The following MCC variants were observed in gnomAD, a reference collection of about 807,000 sequenced individuals.
MCC encodes MCC regulator of Wnt signaling pathway.
In MCC, 90 loss-of-function variants were observed where a neutral mutation model predicts 116.2. The ratio of observed to expected loss-of-function variants is 0.77; its 90% CI spans 0.65 to 0.92. The LOEUF (loss-of-function observed/expected upper bound fraction) is 0.92, where lower values mean the gene tolerates loss of function less well. MCC is among the 40% of genes least tolerant of loss of function. The pLI, the probability that MCC is intolerant of heterozygous loss-of-function variation, is 0.00. For synonymous variants in MCC, 578 were observed against 510.5 expected, an observed-to-expected ratio of 1.13 and a Z score of -1.78; for missense variants, 1,516 against 1,312.2, an observed-to-expected ratio of 1.16 and a Z score of -2.40.
chr5:113,310,714 G>A (rs1581390939), intron 3 of MCC, among the ~76,000 whole-genome samples: 1 of 152,124 alleles, frequency 6.6e-6, no homozygotes, highest in Non-Finnish European at 1.5e-5. Flanking sequence ...AGCTAACCCT[G>A]AAATGCAAAC....
intron 3 of MCC, among the ~76,000 whole-genome samples, chr5:113,304,291 C>T (rs1160830523): frequency 1.3e-5 from 2 of 152,212 alleles, no homozygotes; most frequent in Non-Finnish European, 2.9e-5. Context: ...ATGTTTAAAA[C>T]TGGCTAAGAA....
intron 1 of MCC, among the ~76,000 whole-genome samples, chr5:113,388,722 T>C (rs1388083300): frequency 6.6e-6 from 1 of 152,140 alleles, no homozygotes; most frequent in East Asian, 1.9e-4. Flanking sequence ...TGAGCCAAAA[T>C]AAACCTTTTT....
At chr5:113,355,775 C>T (rs1768396348) in intron 2 of MCC, among the ~76,000 whole-genome samples, 1 of 152,114 alleles carries the variant, frequency 6.6e-6, no homozygotes, top group Non-Finnish European at 1.5e-5. Context: ...TCTCATCTAA[C>T]TTTAATTACC....
intron 3 of MCC, among the ~76,000 whole-genome samples, chr5:113,322,584 C>G (rs1767445822): frequency 1.3e-5 from 2 of 152,146 alleles, no homozygotes; most frequent in Non-Finnish European, 2.9e-5. Context: ...ATTAAACTTT[C>G]TTGGGTAAAG....
chr5:113,367,076 C>T (rs11741963), intron 2 of MCC, among the ~76,000 whole-genome samples: 28,403 of 152,094 alleles, frequency 0.19, 3,169 homozygotes, highest in Admixed American at 0.31. Context: ...GTTGGGATTA[C>T]AGGTGTGAGC....
At chr5:113,360,991 C>A (rs1446018162) in intron 2 of MCC, among the ~76,000 whole-genome samples, 1 of 152,156 alleles carries the variant, frequency 6.6e-6, no homozygotes, top group Non-Finnish European at 1.5e-5. Flanking sequence ...CTAGATACTG[C>A]CAGATAATTA....
rs1014964311 is a variant in MCC at position 113,024,692 on chromosome 5, C to T, written c.*2610G>A. Reference sequence around the variant, plus strand: ...GTTTGTTAGAGAAAAATTCAGGTAGCGCCAGGTTATTCACAAAGGAAAATT... The same window carrying T: ...GTTTGTTAGAGAAAAATTCAGGTAGTGCCAGGTTATTCACAAAGGAAAATT... On this transcript the variant is annotated 3_prime_UTR_variant, in exon 19 of 19. Transcript: ENST00000408903. 7.9e-5 allele frequency: 12 copies of T among 152,096 alleles called. No individual in the cohort carries two copies. Among genetic ancestry groups the T allele is most frequent in the African/African-American group, 1.2e-4 (5 of 41,410 alleles). The allele number at this position is 152,096 out of a possible 1,614,324, so 9.4% of individuals were successfully genotyped here. A position where few individuals can be genotyped will look rare whatever the true frequency, so the allele number is the denominator to read the frequency against.
At chr5:113,104,405 C>T in intron 6 of MCC, 50 bp from the exon 7 acceptor site, 1 of 1,525,128 alleles carries the variant, frequency 6.6e-7, no homozygotes, top group Non-Finnish European at 8.9e-7. Flanking sequence ...CAAATGCTGT[C>T]TGTTTTGCTT....
rs531592681 is a variant in MCC, at chr5:113,466,456, A to G, written c.170+21789T>C. On this transcript the variant is annotated intron_variant, in intron 1 of 18. Coordinates refer to ENST00000408903, the MANE Select transcript of MCC (RefSeq NM_001085377.2). ...GTGTTTGGTTTTTTGTCCTTGCCAT[A>G]GTTTGCTGAGAATGATGGTTTCCAG... 2.7e-5 allele frequency among the ~76,000 whole-genome samples: 4 copies of G among 150,748 alleles called. No individual in the cohort carries two copies. The East Asian group carries it at 7.9e-4, about 30-fold the overall frequency.
intron 5 of MCC, among the ~76,000 whole-genome samples, chr5:113,132,435 TATATATATACACACACACACACAC>T (rs1561385054): frequency 3.4e-4 from 25 of 73,756 alleles, no homozygotes; most frequent in African/African-American, 1.1e-3. Context: ...TACATATATA[TATATATATACACACACACACACAC>T]ACACACACAC....
chr5:113,216,738 C>T (rs893933406), intron 3 of MCC, among the ~76,000 whole-genome samples: 13 of 152,288 alleles, frequency 8.5e-5, no homozygotes, highest in Admixed American at 5.9e-4. Flanking sequence ...TTTTGACTTG[C>T]CTATAGATGG....
At chr5:113,132,579 G>C (rs1428936355) in intron 5 of MCC, among the ~76,000 whole-genome samples, 2 of 151,888 alleles carry the variant, frequency 1.3e-5, no homozygotes, top group Admixed American at 6.6e-5. Flanking sequence ...CCTCCACTGG[G>C]AAATCCATAT....
intron 2 of MCC, among the ~76,000 whole-genome samples, chr5:113,349,004 T>C (rs949348608): frequency 6.6e-6 from 1 of 151,920 alleles, no homozygotes; most frequent in African/African-American, 2.4e-5. Context: ...GATTGAACCA[T>C]GAAGCAATCC....
chr5:113,458,882 A>G (rs957961798), intron 1 of MCC, among the ~76,000 whole-genome samples: 1 of 152,218 alleles, frequency 6.6e-6, no homozygotes, highest in African/African-American at 2.4e-5. Flanking sequence ...TGACCAGAGG[A>G]ATCTTCAACT....
At chr5:113,281,928 T>C (rs187246762) in intron 3 of MCC, among the ~76,000 whole-genome samples, 1 of 152,306 alleles carries the variant, frequency 6.6e-6, no homozygotes, top group African/African-American at 2.4e-5. Flanking sequence ...AATATAATAA[T>C]AATATAGCAG....
intron 1 of MCC, among the ~76,000 whole-genome samples, chr5:113,486,973 T>C (rs1413036281): frequency 6.6e-6 from 1 of 151,942 alleles, no homozygotes; most frequent in Non-Finnish European, 1.5e-5. Context: ...AGAACCAAAA[T>C]AACGAGACTT....
intron 3 of MCC, among the ~76,000 whole-genome samples, chr5:113,198,743 T>C (rs1030412288): frequency 6.8e-6 from 1 of 148,014 alleles, no homozygotes; most frequent in Non-Finnish European, 1.5e-5. Flanking sequence ...ACAGTATAGA[T>C]GTAACAAAAC....
chr5:113,200,428 A>T (rs1177530873), intron 3 of MCC, among the ~76,000 whole-genome samples: 1 of 152,246 alleles, frequency 6.6e-6, no homozygotes, highest in African/African-American at 2.4e-5. Flanking sequence ...GTGAGGATAC[A>T]TCACTGCCTG....
intron 3 of MCC, among the ~76,000 whole-genome samples, chr5:113,236,311 C>T (rs1412168776): frequency 6.6e-6 from 1 of 152,202 alleles, no homozygotes; most frequent in South Asian, 2.1e-4. Context: ...CACCAATAAT[C>T]TGGAATGCAA....
Sources: allele counts gnomAD v4.1 joint callset (sites outside exome capture counted in the v4.1 genomes callset), GRCh38; gene constraint gnomAD v4.1.1; transcripts MANE v1.5; gene names NCBI Gene and HGNC (gene_info 2026-07-23, HGNC 2026-07-21).